Variants in CDK5RAP2 observed in about 807,000 individuals in gnomAD.
The protein encoded by CDK5RAP2 is CDK5 regulatory subunit associated protein 2.
Under a neutral mutation model 232.9 loss-of-function variants are expected in CDK5RAP2, and 147 were observed. That is an observed-to-expected ratio of 0.63 (90% CI 0.55 to 0.72). The LOEUF (loss-of-function observed/expected upper bound fraction) is 0.72. Among genes scored for constraint, CDK5RAP2 ranks in the 30% least tolerant of loss-of-function variants. CDK5RAP2 has a pLI of 0.00. For synonymous variants in CDK5RAP2, 833 were observed against 833.7 expected (o/e 1.00, Z 0.01); for missense variants, 2,195 against 2,231.5 (o/e 0.98, Z 0.33).
At chr9:120,574,902 C>G (rs186786940) in intron 1 of CDK5RAP2, among the ~76,000 whole-genome samples, 2 of 151,648 alleles carry the variant, frequency 1.3e-5, no homozygotes, top group East Asian at 1.9e-4. Flanking sequence ...TGACTTTAAA[C>G]CCCCTGCTGT....
chr9:120,571,907 T>C, intron 2 of CDK5RAP2, 67 bp downstream of exon 2: 1 of 1,262,914 alleles, frequency 7.9e-7, no homozygotes, highest in Non-Finnish European at 1.2e-6. Flanking sequence ...AAGCTCAAGA[T>C]GCTCACAGTC....
chr9:120,501,577 G>T (rs1418663528), intron 12 of CDK5RAP2, among the ~76,000 whole-genome samples: 1 of 152,178 alleles, frequency 6.6e-6, no homozygotes, highest in Non-Finnish European at 1.5e-5. Flanking sequence ...TCCATCAAGA[G>T]GTGTGGAGTC....
chr9:120,550,631 T>A (rs1406996361), intron 4 of CDK5RAP2, among the ~76,000 whole-genome samples, 161 bp downstream of exon 4: 1 of 152,260 alleles, frequency 6.6e-6, no homozygotes, highest in Non-Finnish European at 1.5e-5. Flanking sequence ...TTGCTTAATA[T>A]TAAAGTCATC....
intron 16 of CDK5RAP2, 96 bp from the exon 17 acceptor site, chr9:120,470,316 A>G (rs1029053768): frequency 1.5e-6 from 1 of 653,824 alleles, no homozygotes; most frequent in Non-Finnish European, 2.7e-6. Context: ...CAATCCATCC[A>G]AAGCAATGTG....
chr9:120,480,498 T>C (rs1319574232), intron 14 of CDK5RAP2, among the ~76,000 whole-genome samples: 1 of 152,232 alleles, frequency 6.6e-6, no homozygotes, highest in African/African-American at 2.4e-5. Context: ...CACTACTTCA[T>C]AGCTACGGCA....
At chr9:120,398,602 A>G (rs565759986) in intron 35 of CDK5RAP2, among the ~76,000 whole-genome samples, 16 of 152,348 alleles carry the variant, frequency 1.1e-4, no homozygotes, top group African/African-American at 3.4e-4. Context: ...ATGCATTTAT[A>G]TACTTGCTAA....
chr9:120,406,782 A>C, intron 32 of CDK5RAP2: 1 of 577,676 alleles, frequency 1.7e-6, no homozygotes, highest in East Asian at 2.8e-5. Flanking sequence ...CTGGAAGTCC[A>C]AATTCCACTT....
At chr9:120,509,401 T>C (rs945370361) in intron 12 of CDK5RAP2, among the ~76,000 whole-genome samples, 1 of 152,224 alleles carries the variant, frequency 6.6e-6, no homozygotes, top group African/African-American at 2.4e-5. Flanking sequence ...TCAACTTCTC[T>C]GTGCCAGGAA....
At chr9:120,550,167 G>C (rs1389085318) in intron 4 of CDK5RAP2, among the ~76,000 whole-genome samples, 1 of 152,186 alleles carries the variant, frequency 6.6e-6, no homozygotes. Flanking sequence ...TTCAGACAAA[G>C]ACCTGCAGGT....
chr9:120,459,222 C>T (rs977958598), intron 19 of CDK5RAP2, among the ~76,000 whole-genome samples: 1 of 151,946 alleles, frequency 6.6e-6, no homozygotes, highest in African/African-American at 2.4e-5. Context: ...TGTTATTTAC[C>T]GATCCACCTT....
intron 29 of CDK5RAP2, among the ~76,000 whole-genome samples, chr9:120,410,649 G>A (rs1387348018): frequency 1.3e-5 from 2 of 152,216 alleles, no homozygotes; most frequent in African/African-American, 4.8e-5. Context: ...GTTGCTGAGT[G>A]AATGAGTGAC....
At chr9:120,467,494 G>A (rs2037445474) in intron 18 of CDK5RAP2, among the ~76,000 whole-genome samples, 1 of 152,098 alleles carries the variant, frequency 6.6e-6, no homozygotes, top group Admixed American at 6.6e-5. Flanking sequence ...GGGAATTTCA[G>A]TTAGAGACCT....
chr9:120,515,915 T>C (rs1398761846), intron 12 of CDK5RAP2, among the ~76,000 whole-genome samples: 2 of 152,134 alleles, frequency 1.3e-5, no homozygotes, highest in East Asian at 1.9e-4. Context: ...TTTTACACTG[T>C]TGGGACTGTA....
chr9:120,541,088 T>C (rs1352705518), intron 5 of CDK5RAP2, among the ~76,000 whole-genome samples: 1 of 152,214 alleles, frequency 6.6e-6, no homozygotes, highest in Non-Finnish European at 1.5e-5. Flanking sequence ...CGAGAAGCCC[T>C]TCCTTCCCGA....
chr9:120,409,956 A>G (rs2033741718), intron 29 of CDK5RAP2, among the ~76,000 whole-genome samples: 1 of 152,206 alleles, frequency 6.6e-6, no homozygotes, highest in African/African-American at 2.4e-5. Context: ...GGTTTATCAC[A>G]GGGAGTCAGG....
At chr9:120,549,236 G>C (rs999163463) in intron 4 of CDK5RAP2, among the ~76,000 whole-genome samples, 1 of 151,718 alleles carries the variant, frequency 6.6e-6, no homozygotes, top group Non-Finnish European at 1.5e-5. Flanking sequence ...TTGCACTTAT[G>C]TAAAAAGAGG....
At chr9:120,575,742 G>A (rs2132233558) in intron 1 of CDK5RAP2, among the ~76,000 whole-genome samples, 1 of 152,284 alleles carries the variant, frequency 6.6e-6, no homozygotes, top group Middle Eastern at 3.4e-3. Flanking sequence ...CGCCTAGGAG[G>A]TAATCACTGT....
At chr9:120,481,575 C>G (rs1312739396) in intron 14 of CDK5RAP2, among the ~76,000 whole-genome samples, 1 of 148,422 alleles carries the variant, frequency 6.7e-6, no homozygotes, top group Non-Finnish European at 1.5e-5. Context: ...TGCAGTGACG[C>G]ACTCTCTGCT....
At chr9:120,443,166 C>T (rs1027471458) in intron 23 of CDK5RAP2, among the ~76,000 whole-genome samples, 3 of 152,196 alleles carry the variant, frequency 2.0e-5, no homozygotes, top group Non-Finnish European at 4.4e-5. Context: ...GCAAACCCCA[C>T]AAACCCAGTC....
Sources: allele counts gnomAD v4.1 joint callset (sites outside exome capture counted in the v4.1 genomes callset), GRCh38; gene constraint gnomAD v4.1.1; transcripts MANE v1.5; gene names NCBI Gene and HGNC (gene_info 2026-07-23, HGNC 2026-07-21).